NRXN3: variants seen among roughly 807,000 people sequenced by gnomAD.
The protein encoded by NRXN3 is neurexin III.
In NRXN3, 32 loss-of-function variants were observed where a neutral mutation model predicts 137.6. The ratio of observed to expected loss-of-function variants is 0.23; its 90% CI spans 0.18 to 0.31. The LOEUF (loss-of-function observed/expected upper bound fraction) is 0.31. Ranked by LOEUF, NRXN3 falls within the 10% of genes least tolerant of loss-of-function variation. The pLI, the probability that NRXN3 is intolerant of heterozygous loss-of-function variation, is 1.00. For synonymous variants in NRXN3, 798 were observed against 784.5 expected (o/e 1.02, Z -0.29); for missense variants, 1,574 against 2,062.5 (o/e 0.76, Z 4.59).
At position 78,183,892 on chromosome 14, in the gene NRXN3, C is replaced by T. The variant is rs76430473; in HGVS notation, c.-704+13218C>T. ...AAAGGGAAGGTGGGGAAGCTTTCTC[C>T]AAGAAGGGGCGGATGTGTGGGAAGT... On this transcript the variant is annotated intron_variant, in intron 1 of 20. Transcript: ENST00000335750. 3.7e-3 allele frequency among the ~76,000 whole-genome samples: 558 copies of T among 152,240 alleles called. 29 individuals are homozygous for T. The East Asian group carries it at 0.095, about 26-fold the overall frequency.
At chr14:79,491,586 G>A (rs2096717273) in intron 16 of NRXN3, among the ~76,000 whole-genome samples, 1 of 149,780 alleles carries the variant, frequency 6.7e-6, no homozygotes, top group African/African-American at 2.5e-5. Flanking sequence ...GTAAAGAAAT[G>A]ACATTTTTCG....
chr14:78,633,598 C>T (rs1421329116), intron 4 of NRXN3, among the ~76,000 whole-genome samples: 1 of 152,150 alleles, frequency 6.6e-6, no homozygotes, highest in Non-Finnish European at 1.5e-5. Context: ...TCAGCTTTCT[C>T]CTCCTCACTG....
chr14:78,211,229 G>C (rs2153412064), intron 1 of NRXN3, among the ~76,000 whole-genome samples: 1 of 152,318 alleles, frequency 6.6e-6, no homozygotes, highest in East Asian at 1.9e-4. Flanking sequence ...ATTGAGATCT[G>C]TCTGATTTCA....
intron 15 of NRXN3, among the ~76,000 whole-genome samples, chr14:79,207,096 G>T (rs2066896816): frequency 6.6e-6 from 1 of 152,084 alleles, no homozygotes; most frequent in African/African-American, 2.4e-5. Flanking sequence ...ACAAAAACCT[G>T]TGAGTTTTGA....
chr14:79,227,739 CTCCTTCCT>C (rs745869619), intron 15 of NRXN3, among the ~76,000 whole-genome samples: 32 of 63,808 alleles, frequency 5.0e-4, no homozygotes, highest in African/African-American at 1.1e-3. Context: ...TCTCCTTTCT[CTCCTTCCT>C]TCCTTCCTTC....
intron 2 of NRXN3, among the ~76,000 whole-genome samples, chr14:78,263,874 TG>T (rs1222655016): frequency 4.2e-3 from 8 of 1,900 alleles, no homozygotes; most frequent in East Asian, 0.032. Flanking sequence ...AGTTCTATTT[TG>T]TGTGTGTGTG....
chr14:78,353,204 C>A (rs1431912799), intron 4 of NRXN3, among the ~76,000 whole-genome samples: 3 of 152,174 alleles, frequency 2.0e-5, no homozygotes, highest in Non-Finnish European at 4.4e-5. Flanking sequence ...GCACAAGACC[C>A]CACGTCTCTG....
chr14:79,815,967 C>T (rs1251552593), intron 20 of NRXN3, among the ~76,000 whole-genome samples: 4 of 152,050 alleles, frequency 2.6e-5, no homozygotes, highest in Non-Finnish European at 1.5e-5. Context: ...TTGAAAATGG[C>T]CATGTTTTAA....
intron 19 of NRXN3, among the ~76,000 whole-genome samples, chr14:79,804,569 AT>A (rs1294632261): frequency 6.6e-6 from 1 of 152,172 alleles, no homozygotes; most frequent in Non-Finnish European, 1.5e-5. Flanking sequence ...ACATGAAGGA[AT>A]TCTTGCTAAT....
At chr14:78,602,154 GATTA>G (rs2097206896) in intron 4 of NRXN3, among the ~76,000 whole-genome samples, 1 of 151,626 alleles carries the variant, frequency 6.6e-6, no homozygotes, top group Non-Finnish European at 1.5e-5. Flanking sequence ...CACTCACAGT[GATTA>G]ATTCTCCAGA....
At chr14:79,164,214 T>C (rs1477202768) in intron 15 of NRXN3, among the ~76,000 whole-genome samples, 3 of 152,048 alleles carry the variant, frequency 2.0e-5, no homozygotes, top group South Asian at 2.1e-4. Flanking sequence ...TCTAACTATA[T>C]ATCTTTGAAT....
At chr14:79,664,961 G>C (rs1189963745) in intron 17 of NRXN3, among the ~76,000 whole-genome samples, 1 of 152,084 alleles carries the variant, frequency 6.6e-6, no homozygotes, top group African/African-American at 2.4e-5. Flanking sequence ...ACAGTGAGGT[G>C]GGCACAATAA....
At chr14:78,384,477 T>A (rs2089635267) in intron 4 of NRXN3, among the ~76,000 whole-genome samples, 1 of 152,214 alleles carries the variant, frequency 6.6e-6, no homozygotes, top group Non-Finnish European at 1.5e-5. Context: ...AGTTTATTCA[T>A]GTGTAGCATG....
intron 15 of NRXN3, among the ~76,000 whole-genome samples, chr14:79,020,862 T>TACACACACACACACACAC (rs3035451): frequency 6.9e-6 from 1 of 145,096 alleles, no homozygotes; most frequent in Non-Finnish European, 1.5e-5. Context: ...GCTTGCATTT[T>TACACACACACACACACAC]ACACACACAC....
At chr14:79,066,782 A>G (rs2099681303) in intron 15 of NRXN3, among the ~76,000 whole-genome samples, 1 of 152,032 alleles carries the variant, frequency 6.6e-6, no homozygotes, top group African/African-American at 2.4e-5. Context: ...TTATTGGTGT[A>G]TAGGAATGCT....
chr14:79,023,840 G>C (rs1486300931), intron 15 of NRXN3, among the ~76,000 whole-genome samples: 1 of 152,026 alleles, frequency 6.6e-6, no homozygotes, highest in African/African-American at 2.4e-5. Flanking sequence ...GGGGATTAGG[G>C]AACTACAATT....
intron 10 of NRXN3, among the ~76,000 whole-genome samples, chr14:78,824,112 T>TTC (rs2098959462): frequency 6.7e-6 from 1 of 148,436 alleles, no homozygotes; most frequent in Admixed American, 6.7e-5. Context: ...TCTTTTTTTT[T>TTC]TTTTTTTTTT....
chr14:79,114,100 G>A lies in NRXN3; in HGVS notation c.3262+125959G>A, dbSNP rs761342237. 6.6e-5 allele frequency among the ~76,000 whole-genome samples: 10 copies of A among 152,252 alleles called. No individual in the cohort carries two copies. The East Asian group carries it at 1.7e-3, about 27-fold the overall frequency. ...CCCTTTTTCTCTAAAACAGGGCAAT[G>A]TTGCCCCTCAGAGAACATTGGTCAA... On this transcript the variant is annotated intron_variant, in intron 15 of 20. Coordinates refer to ENST00000335750, the MANE Select transcript of NRXN3 (RefSeq NM_001330195.2).
chr14:79,708,980 TGTGA>T (rs772491874), intron 19 of NRXN3, among the ~76,000 whole-genome samples: 4 of 151,788 alleles, frequency 2.6e-5, no homozygotes, highest in East Asian at 2.0e-4. Flanking sequence ...TGTGTGTGTG[TGTGA>T]GAGAGAGAGA....
Sources: allele counts gnomAD v4.1 joint callset (sites outside exome capture counted in the v4.1 genomes callset), GRCh38; gene constraint gnomAD v4.1.1; transcripts MANE v1.5; gene names NCBI Gene and HGNC (gene_info 2026-07-23, HGNC 2026-07-21).